FAM13B: variants seen among roughly 807,000 people sequenced by gnomAD.
FAM13B encodes the protein protein FAM13B.
A neutral mutation model predicts 117.3 loss-of-function variants in FAM13B; 60 were observed. That is an observed-to-expected ratio of 0.51 (90% CI 0.42 to 0.63). FAM13B has a LOEUF of 0.63. Ranked by LOEUF, FAM13B falls within the 30% of genes least tolerant of loss-of-function variation. FAM13B has a pLI of 0.00. For synonymous variants in FAM13B, 332 were observed against 356.1 expected, an observed-to-expected ratio of 0.93 and a Z score of 0.76; for missense variants, 972 against 1,091.9, an observed-to-expected ratio of 0.89 and a Z score of 1.55.
At chr5:138,008,272 C>T (rs530664729) in intron 6 of FAM13B, among the ~76,000 whole-genome samples, 1 of 152,192 alleles carries the variant, frequency 6.6e-6, no homozygotes, top group South Asian at 2.1e-4. Context: ...GAAACCTTGT[C>T]TCTACAAAAA....
In FAM13B at chr5:137,939,228, AAAAAAAAAAGAT is replaced by A; in HGVS notation, c.*985_*996del. 6.7e-6 allele frequency: 1 copy of A among 149,656 alleles called. No homozygotes were observed. The highest frequency in any genetic ancestry group is 1.9e-4 in the East Asian group (1 of 5,136). The allele number at this position is 149,656 out of a possible 1,614,324, so 9.3% of individuals were successfully genotyped here. On this transcript the variant is annotated 3_prime_UTR_variant, in exon 24 of 24. Coordinates refer to ENST00000689681, the MANE Select transcript of FAM13B (RefSeq NM_001385994.1). The stretch of plus-strand genomic sequence containing the variant: ...TTTTGCTGATTAAAATAGGAGGGGA[AAAAAAAAAAGAT>A]AACCCCCTGAAGGTACATGTGAAAA...
chr5:137,970,255 G>C (rs557196606), intron 10 of FAM13B, among the ~76,000 whole-genome samples: 1 of 151,874 alleles, frequency 6.6e-6, no homozygotes, highest in Non-Finnish European at 1.5e-5. Flanking sequence ...GACTAACAGC[G>C]GATCTCTCAG....
At chr5:138,023,618 C>T (rs1787379079) in intron 1 of FAM13B, among the ~76,000 whole-genome samples, 1 of 152,152 alleles carries the variant, frequency 6.6e-6, no homozygotes, top group Non-Finnish European at 1.5e-5. Flanking sequence ...GGCTGGAGTA[C>T]AGTGGCATAT....
Position 137,942,075 on chromosome 5 carries a change from G to A in FAM13B, c.2589-30C>T, listed in dbSNP as rs769251646. 1.0e-5 allele frequency: 16 copies of A among 1,531,956 alleles called. No individual in the cohort carries two copies. In the East Asian group the frequency reaches 3.6e-4, roughly 34 times the overall value. The allele number at this position is 1,531,956 out of a possible 1,614,324, so 94.9% of individuals were successfully genotyped here. Reference sequence around the variant, plus strand: ...AATTGAAATGGTAAAATACTGAAGGGCACACTTGATTCATTATATTCTTAA... The same window carrying A: ...AATTGAAATGGTAAAATACTGAAGGACACACTTGATTCATTATATTCTTAA... On this transcript the variant is annotated intron_variant, in intron 22 of 23. Coordinates refer to ENST00000689681, the MANE Select transcript of FAM13B (RefSeq NM_001385994.1).
chr5:137,946,278 C>T lies in FAM13B; in HGVS notation c.2194G>A (p.Ala732Thr). 1.9e-6 allele frequency: 3 copies of T among 1,584,870 alleles called. No individual in the cohort carries two copies. Among genetic ancestry groups the T allele is most frequent in the Non-Finnish European group, 2.6e-6 (3 of 1,170,794 alleles). The change falls in exon 19 of 24, where the codon GCT (alanine) becomes ACT (threonine). Residue 732 changes from alanine to threonine, a missense_variant. Transcript: ENST00000689681. ...MTKDHLVEEK[A>T]SLQKSLLYYE... ...TAAAGAAGACTTTTCTGAAGAGAAG[C>T]TTTCTCTTCTACCAAATGATCTTTG...
rs528300795 is a variant in FAM13B at position 137,938,087 on chromosome 5, A to G, written c.*2138T>C. 44 of 152,340 alleles carry G rather than the reference A, an allele frequency of 2.9e-4. No homozygotes were observed. The highest frequency in any genetic ancestry group is 1.0e-3 in the African/African-American group (43 of 41,568). The allele number at this position is 152,340 out of a possible 1,614,324, so 9.4% of individuals were successfully genotyped here. On this transcript the variant is annotated 3_prime_UTR_variant, in exon 24 of 24. Transcript: ENST00000689681. ...ATATAGATATACAGTTTTTATTTGTACCAAAGTAAAACTATCACCAACTGC... is the reference window on the plus strand; with the variant it reads ...ATATAGATATACAGTTTTTATTTGTGCCAAAGTAAAACTATCACCAACTGC...
At position 138,007,103 on chromosome 5, in the gene FAM13B, T is replaced by C. The variant is rs775610478; in HGVS notation, c.735A>G (p.Glu245=). ...SEEEEEDEKL[E]HIEELPEEGA... ...CCTCTTCTGGAAGTTCTTCAATATG[T>C]TCCAGCTTTTCATCTTCCTCTTCTT... The change falls in exon 7 of 24, where the codon GAA becomes GAG. Residue 245 remains glutamate (E), a synonymous_variant. Coordinates refer to ENST00000689681, the MANE Select transcript of FAM13B (RefSeq NM_001385994.1). The C allele has an allele frequency of 6.2e-7, 1 of 1,612,858 alleles. No individual in the cohort carries two copies. The highest frequency in any genetic ancestry group is 1.7e-5 in the Admixed American group (1 of 59,668).
At chr5:138,031,260 A>T (rs577650848) in intron 1 of FAM13B, among the ~76,000 whole-genome samples, 1 of 152,194 alleles carries the variant, frequency 6.6e-6, no homozygotes, top group South Asian at 2.1e-4. Flanking sequence ...ACACCACCCA[A>T]TGAATTATGC....
Position 137,954,716 on chromosome 5 carries a change from A to C in FAM13B, c.1508-340T>G, listed in dbSNP as rs557969452. ...CTGCAGCCTCGACCTTCTAGGCTCA[A>C]GCAATCCTCCCACCTTAGCCTCCCG... is the stretch of plus-strand genomic sequence containing the variant. On this transcript the variant is annotated intron_variant, in intron 14 of 23. Transcript: ENST00000689681. The C allele has an allele frequency of 2.3e-4, 36 of 156,480 alleles. No homozygotes were observed. In the South Asian group the frequency reaches 5.0e-3, roughly 22 times the overall value. The allele number at this position is 156,480 out of a possible 1,614,324, so 9.7% of individuals were successfully genotyped here. A position where few individuals can be genotyped will look rare whatever the true frequency, so the allele number is the denominator to read the frequency against.
chr5:137,996,730 T>G lies in FAM13B; in HGVS notation c.849-8415A>C, dbSNP rs904035240. Among the ~76,000 whole-genome samples the G allele has an allele frequency of 9.7e-4, 148 of 152,098 alleles. 2 individuals carry two copies. The highest frequency in any genetic ancestry group is 1.2e-4 in the Non-Finnish European group (8 of 68,026). On this transcript the variant is annotated intron_variant, in intron 7 of 23. Coordinates refer to ENST00000689681, the MANE Select transcript of FAM13B (RefSeq NM_001385994.1). ...CCTCACCCTCCCGAGTAGCTGGGAT[T>G]ACAGGCGCTCACCAACATGCTCAGC...
At chr5:138,010,393 G>A (rs1783679485) in intron 6 of FAM13B, among the ~76,000 whole-genome samples, 1 of 152,154 alleles carries the variant, frequency 6.6e-6, no homozygotes, top group Non-Finnish European at 1.5e-5. Context: ...ACTGCTTGAG[G>A]CCAAGAGTTC....
intron 14 of FAM13B, among the ~76,000 whole-genome samples, chr5:137,955,875 G>A (rs555652580): frequency 6.6e-6 from 1 of 152,148 alleles, no homozygotes; most frequent in Non-Finnish European, 1.5e-5. Flanking sequence ...CAAGTGATCC[G>A]CCTGCCTCGG....
chr5:138,031,241 C>A (rs1379354484), intron 1 of FAM13B, among the ~76,000 whole-genome samples: 1 of 151,890 alleles, frequency 6.6e-6, no homozygotes, highest in Admixed American at 6.5e-5. Flanking sequence ...ATAAAAAAAA[C>A]TAACATTTAC....
chr5:137,962,278 G>A (rs924098369), intron 11 of FAM13B, 127 bp downstream of exon 11: 3 of 711,052 alleles, frequency 4.2e-6, no homozygotes, highest in Non-Finnish European at 7.1e-6. Context: ...ATTATAACAA[G>A]AAGGCTGTTT....
upstream of FAM13B, chr5:138,033,912 C>T (rs1302486381): frequency 6.6e-6 from 1 of 152,194 alleles, no homozygotes; most frequent in Non-Finnish European, 1.5e-5. Flanking sequence ...TTGTCCCTTA[C>T]CTACCTGAGC....
intron 1 of FAM13B, among the ~76,000 whole-genome samples, chr5:138,047,958 C>T (rs988515929): frequency 8.6e-5 from 13 of 152,038 alleles, no homozygotes; most frequent in Admixed American, 2.0e-4. Context: ...TTTTAAATAA[C>T]CTTTTTATTT....
chr5:137,939,512 T>C lies in FAM13B; in HGVS notation c.*713A>G, dbSNP rs1333120565. ...TAACTGAAGTCCCATAGGCAGCATG[T>C]GGTATGATTCAGTTCTGTGTGTGAT... On this transcript the variant is annotated 3_prime_UTR_variant, in exon 24 of 24. Coordinates refer to ENST00000689681, the MANE Select transcript of FAM13B (RefSeq NM_001385994.1). The C allele has an allele frequency of 6.5e-6, 1 of 153,554 alleles. No homozygotes were observed. Among genetic ancestry groups the C allele is most frequent in the African/African-American group, 2.4e-5 (1 of 41,422 alleles). 9.5% of individuals were successfully genotyped at this position (153,554 alleles called of 1,614,324 possible).
chr5:137,963,224 C>T (rs947919135), intron 10 of FAM13B, among the ~76,000 whole-genome samples: 5 of 152,214 alleles, frequency 3.3e-5, no homozygotes, highest in African/African-American at 1.2e-4. Context: ...AACTACACAT[C>T]TGTGAGGCTG....
chr5:137,955,215 C>A (rs1766159667), intron 14 of FAM13B, among the ~76,000 whole-genome samples: 1 of 152,174 alleles, frequency 6.6e-6, no homozygotes, highest in Non-Finnish European at 1.5e-5. Flanking sequence ...GGGAGCTGTT[C>A]CCCATGTTAC....
Sources: allele counts gnomAD v4.1 joint callset (sites outside exome capture counted in the v4.1 genomes callset), GRCh38; gene constraint gnomAD v4.1.1; transcripts MANE v1.5; gene names NCBI Gene and HGNC (gene_info 2026-07-23, HGNC 2026-07-21).